Variants in GRIK3 observed in about 807,000 individuals in gnomAD.
The protein encoded by GRIK3 is glutamate ionotropic receptor kainate type subunit 3, also known as glutamate receptor ionotropic, kainate 3.
A neutral mutation model predicts 102.5 loss-of-function variants in GRIK3; 29 were observed. The ratio of observed to expected loss-of-function variants is 0.28; its 90% CI spans 0.21 to 0.39. The LOEUF is 0.39. Among genes scored for constraint, GRIK3 ranks in the 10% least tolerant of loss-of-function variants. The pLI, the probability that GRIK3 is intolerant of heterozygous loss-of-function variation, is 1.00. For missense variants in GRIK3, 908 were observed against 1,252.4 expected, an observed-to-expected ratio of 0.73 and a Z score of 4.15; for synonymous variants, 511 against 504.9, an observed-to-expected ratio of 1.01 and a Z score of -0.16.
intron 1 of GRIK3, among the ~76,000 whole-genome samples, chr1:36,912,287 G>A (rs1031249362): frequency 6.6e-6 from 1 of 152,146 alleles, no homozygotes; most frequent in African/African-American, 2.4e-5. Context: ...GCAAAGGCGC[G>A]GATTTGGCCA....
intron 2 of GRIK3, among the ~76,000 whole-genome samples, chr1:36,889,870 A>G (rs1192683232): frequency 6.6e-6 from 1 of 152,140 alleles, no homozygotes; most frequent in Non-Finnish European, 1.5e-5. Context: ...CTGCACTCTG[A>G]TTCCAGGCTT....
At chr1:36,915,258 A>G (rs890247542) in intron 1 of GRIK3, among the ~76,000 whole-genome samples, 3 of 151,972 alleles carry the variant, frequency 2.0e-5, no homozygotes, top group Non-Finnish European at 2.9e-5. Flanking sequence ...TTAAATATCT[A>G]TTTGCTGTCT....
chr1:36,975,288 G>GTTTTCTTTTTTTT (rs1642183334), intron 1 of GRIK3, among the ~76,000 whole-genome samples: 1 of 113,372 alleles, frequency 8.8e-6, no homozygotes. Context: ...TCTAAAGTTG[G>GTTTTCTTTTTTTT]TTTTTTTTTT....
intron 1 of GRIK3, among the ~76,000 whole-genome samples, chr1:37,010,492 C>T (rs1034455745): frequency 2.0e-5 from 3 of 152,130 alleles, no homozygotes; most frequent in South Asian, 2.1e-4. Context: ...GATTTTGATT[C>T]GTGAACCTAC....
intron 1 of GRIK3, among the ~76,000 whole-genome samples, chr1:36,987,766 G>A (rs559362084): frequency 6.6e-6 from 1 of 152,154 alleles, no homozygotes; most frequent in Non-Finnish European, 1.5e-5. Flanking sequence ...ATAGCAGGAA[G>A]GTCACGACAG....
intron 5 of GRIK3, 111 bp downstream of exon 5, chr1:36,869,637 T>G: frequency 1.2e-6 from 1 of 841,686 alleles, no homozygotes; most frequent in East Asian, 2.4e-5. Context: ...CCCTACAGCC[T>G]GAGGAAGCTG....
Position 36,841,844 on chromosome 1 carries a change from G to C in GRIK3, c.1422C>G (p.Ala474=), listed in dbSNP as rs369312642. The C allele has an allele frequency of 2.2e-5, 36 of 1,614,016 alleles. No homozygotes were observed. Among genetic ancestry groups the C allele is most frequent in the Non-Finnish European group, 3.1e-5 (36 of 1,179,992 alleles). The change falls in exon 10 of 16, where the codon GCC becomes GCG. Residue 474 remains alanine, a synonymous_variant. Coordinates refer to ENST00000373091, the MANE Select transcript of GRIK3 (RefSeq NM_000831.4). The part of the protein sequence containing the change: ...GYCIDLLKEL[A]HILGFSYEIR... ...TCTCATAGGAGAAACCAAGGATGTG[G>C]GCCAGCTCCTTTAGCAGGTCGATGC... is the stretch of plus-strand genomic sequence containing the variant.
chr1:36,941,261 C>T (rs1397616431), intron 1 of GRIK3, among the ~76,000 whole-genome samples: 2 of 152,224 alleles, frequency 1.3e-5, no homozygotes, highest in East Asian at 3.8e-4. Flanking sequence ...CCTGTGCATG[C>T]CCACTCCAAG....
At chr1:36,922,478 G>T (rs1195934387) in intron 1 of GRIK3, among the ~76,000 whole-genome samples, 1 of 152,148 alleles carries the variant, frequency 6.6e-6, no homozygotes, top group Non-Finnish European at 1.5e-5. Context: ...TTAATGCCTG[G>T]CCATACAGGG....
chr1:36,888,680 A>G (rs1024688135), intron 2 of GRIK3, among the ~76,000 whole-genome samples: 1 of 152,116 alleles, frequency 6.6e-6, no homozygotes, highest in African/African-American at 2.4e-5. Flanking sequence ...CGCTCAACAG[A>G]CTTCTCAAGT....
intron 1 of GRIK3, among the ~76,000 whole-genome samples, chr1:37,018,722 T>C (rs1642678796): frequency 6.6e-6 from 1 of 152,178 alleles, no homozygotes; most frequent in African/African-American, 2.4e-5. Flanking sequence ...AAAGGCTGTC[T>C]GCCCTCACAC....
chr1:36,982,793 G>A (rs927001542), intron 1 of GRIK3, among the ~76,000 whole-genome samples: 3 of 151,582 alleles, frequency 2.0e-5, no homozygotes, highest in African/African-American at 7.3e-5. Context: ...GGCCGGGAGA[G>A]GGAGGGAAGT....
intron 5 of GRIK3, among the ~76,000 whole-genome samples, chr1:36,860,960 G>C (rs1282445485): frequency 2.6e-5 from 4 of 152,286 alleles, no homozygotes; most frequent in African/African-American, 9.6e-5. Context: ...TTCATTGTCA[G>C]CTACTTGTTA....
At chr1:36,825,965 A>C (rs778996472) in intron 10 of GRIK3, 139 bp from the exon 11 acceptor site, 23 of 609,842 alleles carry the variant, frequency 3.8e-5, no homozygotes, top group Non-Finnish European at 6.3e-5. Flanking sequence ...TTCTGTTTCC[A>C]CATTTACTAA....
At chr1:36,833,670 T>C (rs1361721731) in intron 10 of GRIK3, among the ~76,000 whole-genome samples, 1 of 152,178 alleles carries the variant, frequency 6.6e-6, no homozygotes, top group Non-Finnish European at 1.5e-5. Context: ...GGGAGGAAGA[T>C]GAGACACAGC....
rs1267910418 is a variant in GRIK3 at position 36,796,884 on chromosome 1, T to C, written c.*4967A>G. The C allele has an allele frequency of 1.3e-5, 2 of 152,136 alleles. No individual in the cohort carries two copies. The highest frequency in any genetic ancestry group is 2.9e-5 in the Non-Finnish European group (2 of 68,038). 9.4% of individuals were successfully genotyped at this position (152,136 alleles called of 1,614,324 possible). A position where few individuals can be genotyped will look rare whatever the true frequency, so the allele number is the denominator to read the frequency against. The stretch of plus-strand genomic sequence containing the variant: ...TCTTTCCCAGCCCTTCTGCTCCTGA[T>C]GAATTGCCCCAGAACTAGAATGTAA... On this transcript the variant is annotated 3_prime_UTR_variant, in exon 16 of 16. Transcript: ENST00000373091.
intron 6 of GRIK3, 124 bp downstream of exon 6, chr1:36,859,720 C>T (rs1640698133): frequency 2.1e-5 from 17 of 790,786 alleles, no homozygotes; most frequent in Non-Finnish European, 3.6e-5. Context: ...TGGGGTCTGG[C>T]TGACACATGG....
At chr1:37,000,450 CAGAGAGGAAAATGAAGTTG>C (rs1479427082) in intron 1 of GRIK3, among the ~76,000 whole-genome samples, 52 of 152,036 alleles carry the variant, frequency 3.4e-4, no homozygotes, top group Middle Eastern at 3.4e-3. Flanking sequence ...AAATGAAGTT[CAGAGAGGAAAATGAAGTTG>C]AGAGAGGAAA....
chr1:36,977,388 G>A (rs1041041118), intron 1 of GRIK3, among the ~76,000 whole-genome samples: 11 of 152,190 alleles, frequency 7.2e-5, no homozygotes, highest in African/African-American at 2.2e-4. Flanking sequence ...GCTGGACCAT[G>A]AAATTCTAAT....
Sources: allele counts gnomAD v4.1 joint callset (sites outside exome capture counted in the v4.1 genomes callset), GRCh38; gene constraint gnomAD v4.1.1; transcripts MANE v1.5; gene names NCBI Gene and HGNC (gene_info 2026-07-23, HGNC 2026-07-21).